PEBP4: variants seen among roughly 807,000 people sequenced by gnomAD.
PEBP4 encodes phosphatidylethanolamine-binding protein 4.
A neutral mutation model predicts 23.9 loss-of-function variants in PEBP4; 22 were observed. The observed-to-expected ratio is 0.92, with a 90% CI of 0.66 to 1.31. The LOEUF (loss-of-function observed/expected upper bound fraction) is 1.31. Among genes scored for constraint, PEBP4 ranks in the 40% most tolerant of loss-of-function variants. The pLI, the probability that PEBP4 is intolerant of heterozygous loss-of-function variation, is 0.00. For synonymous variants in PEBP4, 112 were observed against 99.3 expected, an observed-to-expected ratio of 1.13 and a Z score of -0.76; for missense variants, 324 against 281.7, an observed-to-expected ratio of 1.15 and a Z score of -1.07.
chr8:22,791,883 G>T (rs900327383), intron 4 of PEBP4, among the ~76,000 whole-genome samples: 2 of 151,590 alleles, frequency 1.3e-5, no homozygotes, highest in African/African-American at 4.9e-5. Flanking sequence ...TTTAGACAGG[G>T]TCTCAATCTG....
intron 3 of PEBP4, among the ~76,000 whole-genome samples, chr8:22,882,328 G>A (rs17756212): frequency 0.016 from 2,420 of 152,346 alleles, 32 homozygotes; most frequent in Middle Eastern, 0.051. Flanking sequence ...CAGTGACCCA[G>A]ACAGTGCTGG....
At chr8:22,902,465 C>CTT (rs1808731361) in intron 3 of PEBP4, among the ~76,000 whole-genome samples, 1 of 143,322 alleles carries the variant, frequency 7.0e-6, no homozygotes, top group African/African-American at 2.9e-5. Flanking sequence ...AGATAGGGTG[C>CTT]TCTGAATGTG....
intron 1 of PEBP4, among the ~76,000 whole-genome samples, chr8:22,935,934 A>C (rs556780750): frequency 6.6e-6 from 1 of 152,244 alleles, no homozygotes; most frequent in African/African-American, 2.4e-5. Context: ...ATAAAAGCTT[A>C]CATTGAGAAG....
intron 3 of PEBP4, among the ~76,000 whole-genome samples, chr8:22,849,518 T>C (rs748907377): frequency 2.6e-5 from 4 of 151,696 alleles, no homozygotes; most frequent in African/African-American, 4.9e-5. Flanking sequence ...GTTACTTTGC[T>C]AATGATAACA....
chr8:22,727,528 C>A (rs1331768603), intron 4 of PEBP4, among the ~76,000 whole-genome samples: 1 of 152,120 alleles, frequency 6.6e-6, no homozygotes, highest in Non-Finnish European at 1.5e-5. Flanking sequence ...TAGGACACTT[C>A]CCAAAGAGCT....
chr8:22,749,987 G>A (rs1805217911), intron 4 of PEBP4, among the ~76,000 whole-genome samples: 1 of 151,388 alleles, frequency 6.6e-6, no homozygotes, highest in Non-Finnish European at 1.5e-5. Context: ...TGTATTTTTA[G>A]TAAAGACGGG....
intron 6 of PEBP4, among the ~76,000 whole-genome samples, chr8:22,715,554 C>T (rs1419011208): frequency 6.6e-6 from 1 of 152,232 alleles, no homozygotes; most frequent in African/African-American, 2.4e-5. Context: ...GGAATTGAAA[C>T]CCATCACGAG....
chr8:22,847,809 A>G (rs765990736), intron 3 of PEBP4, among the ~76,000 whole-genome samples: 1 of 151,348 alleles, frequency 6.6e-6, no homozygotes, highest in Non-Finnish European at 1.5e-5. Context: ...ACCCTGCTCA[A>G]CCCCAGCCCC....
chr8:22,861,800 G>C (rs1293323934), intron 3 of PEBP4, among the ~76,000 whole-genome samples: 1 of 152,150 alleles, frequency 6.6e-6, no homozygotes, highest in Non-Finnish European at 1.5e-5. Flanking sequence ...TATGGGGTAG[G>C]GGTGGTGGAC....
intron 3 of PEBP4, among the ~76,000 whole-genome samples, chr8:22,881,003 C>A: frequency 6.6e-6 from 1 of 152,256 alleles, no homozygotes; most frequent in Non-Finnish European, 1.5e-5. Flanking sequence ...ACCCCCATGG[C>A]TGCACTTCCC....
intron 4 of PEBP4, among the ~76,000 whole-genome samples, chr8:22,765,146 T>G (rs1218837435): frequency 2.6e-5 from 4 of 151,666 alleles, no homozygotes; most frequent in African/African-American, 9.7e-5. Context: ...CCTTCCTTCC[T>G]TCCTTTCTTT....
chr8:22,729,125 A>G (rs1449550117), intron 4 of PEBP4, among the ~76,000 whole-genome samples: 1 of 152,196 alleles, frequency 6.6e-6, no homozygotes, highest in Non-Finnish European at 1.5e-5. Context: ...CTGTGGCCTG[A>G]CAAGGATAAG....
chr8:22,832,125 T>C (rs1300156369), intron 3 of PEBP4, among the ~76,000 whole-genome samples: 1 of 152,052 alleles, frequency 6.6e-6, no homozygotes, highest in Non-Finnish European at 1.5e-5. Flanking sequence ...GGCACAAAAG[T>C]GGTCATTCCT....
chr8:22,809,318 C>T (rs903941477), intron 4 of PEBP4, among the ~76,000 whole-genome samples: 1 of 152,168 alleles, frequency 6.6e-6, no homozygotes, highest in Non-Finnish European at 1.5e-5. Flanking sequence ...GTCCACACTG[C>T]ACTTGGAGCC....
chr8:22,807,321 G>A (rs1278245421), intron 4 of PEBP4, among the ~76,000 whole-genome samples: 2 of 152,196 alleles, frequency 1.3e-5, no homozygotes, highest in African/African-American at 2.4e-5. Context: ...GAGGGTTGTG[G>A]GGCAGGCAGG....
intron 3 of PEBP4, among the ~76,000 whole-genome samples, chr8:22,910,351 C>T (rs191704730): frequency 5.9e-5 from 9 of 152,396 alleles, no homozygotes; most frequent in South Asian, 2.1e-4. Flanking sequence ...CTCCATATCA[C>T]GGCACGCATC....
At chr8:22,785,493 T>A (rs970342852) in intron 4 of PEBP4, among the ~76,000 whole-genome samples, 48 of 152,020 alleles carry the variant, frequency 3.2e-4, no homozygotes, top group African/African-American at 1.2e-3. Context: ...AAAAGGCAAA[T>A]TGAGGTCGGC....
intron 4 of PEBP4, among the ~76,000 whole-genome samples, chr8:22,750,463 G>A (rs542060477): frequency 6.6e-6 from 1 of 152,312 alleles, no homozygotes; most frequent in South Asian, 2.1e-4. Context: ...TGTGCATGGG[G>A]CTGGAATTGG....
chr8:22,781,852 G>T (rs886234638), intron 4 of PEBP4, among the ~76,000 whole-genome samples: 1 of 152,184 alleles, frequency 6.6e-6, no homozygotes, highest in Non-Finnish European at 1.5e-5. Context: ...GGGAAGAGGG[G>T]GAGCCAACCA....
Sources: allele counts gnomAD v4.1 joint callset (sites outside exome capture counted in the v4.1 genomes callset), GRCh38; gene constraint gnomAD v4.1.1; transcripts MANE v1.5; gene names NCBI Gene and HGNC (gene_info 2026-07-23, HGNC 2026-07-21).